CCDC15: variants seen among roughly 807,000 people sequenced by gnomAD.
The protein encoded by CCDC15 is coiled-coil domain-containing protein 15.
In CCDC15, 105 loss-of-function variants were observed where a neutral mutation model predicts 114.5. That is an observed-to-expected ratio of 0.92 (90% CI 0.78 to 1.08). The LOEUF (loss-of-function observed/expected upper bound fraction) is 1.08. Ranked by LOEUF, CCDC15 falls within the 50% of genes least tolerant of loss-of-function variation. The probability of loss-of-function intolerance (pLI) is 0.00; values close to 1 mark genes in which losing one functional copy is unlikely to be tolerated. For missense variants in CCDC15, 1,105 were observed against 1,093.6 expected (o/e 1.01, Z -0.15); for synonymous variants, 334 against 377.8 (o/e 0.88, Z 1.34).
At position 124,987,408 on chromosome 11, in the gene CCDC15, A is replaced by G. The variant is rs1948188000; in HGVS notation, c.1182A>G (p.Lys394=). The G allele has an allele frequency of 6.2e-7, 1 of 1,614,014 alleles. No individual in the cohort carries two copies. The highest frequency in any genetic ancestry group is 8.5e-7 in the Non-Finnish European group (1 of 1,179,900). Residue 394 remains lysine (K), a synonymous_variant, in exon 8 of 16, where the codon AAA becomes AAG. Coordinates refer to ENST00000344762, the MANE Select transcript of CCDC15 (RefSeq NM_025004.3). The stretch of plus-strand genomic sequence containing the variant: ...CAGAAACTCAGGGTATTATGCTGAA[A>G]GCCCAGAGTATTGAGCTAGAAGAAG... ...IKTETQGIML[K]AQSIELEEGS...
chr11:124,998,964 C>T (rs2135506114), intron 11 of CCDC15, among the ~76,000 whole-genome samples: 1 of 152,124 alleles, frequency 6.6e-6, no homozygotes. Context: ...GTCTCAAACT[C>T]CTGACCTCAT....
At chr11:125,033,897 C>T (rs560113110) in intron 13 of CCDC15, among the ~76,000 whole-genome samples, 1 of 152,286 alleles carries the variant, frequency 6.6e-6, no homozygotes, top group East Asian at 1.9e-4. Flanking sequence ...CATGACTCTT[C>T]TCAAGATTTC....
In CCDC15 at chr11:124,993,185, T is replaced by C. The variant is rs578177792; in HGVS notation, c.2156T>C (p.Leu719Pro). Residue 719 changes from leucine (L) to proline (P), a missense_variant, in exon 11 of 16, where the codon CTA becomes CCA. Leu to Pro is a moderately conservative substitution (Grantham distance 98). Coordinates refer to ENST00000344762, the MANE Select transcript of CCDC15 (RefSeq NM_025004.3). ...TTCCTTTAGAACAAGCATATCAAAC[T>C]ACCCTCATCTTTTGAGAAATGGGAG... ...SPREQNKHIK[L>P]PSSFEKWEIA... The C allele has an allele frequency of 1.3e-4, 205 of 1,605,816 alleles. 2 individuals are homozygous for C. In the South Asian group the frequency reaches 2.1e-3, roughly 17 times the overall value.
chr11:125,035,858 C>A (rs866817423), intron 13 of CCDC15, among the ~76,000 whole-genome samples: 1 of 152,032 alleles, frequency 6.6e-6, no homozygotes, highest in Non-Finnish European at 1.5e-5. Context: ...AAAGAGAAAA[C>A]TAATAAAAAC....
chr11:124,959,325 G>C (rs1947615005), intron 3 of CCDC15, 61 bp downstream of exon 3: 1 of 1,360,832 alleles, frequency 7.3e-7, no homozygotes, highest in South Asian at 1.5e-5. Flanking sequence ...TATGAGATAA[G>C]CTATTAGGCA....
intron 6 of CCDC15, among the ~76,000 whole-genome samples, chr11:124,979,491 CT>C (rs780438337): frequency 3.9e-5 from 6 of 151,984 alleles, no homozygotes; most frequent in African/African-American, 7.3e-5. Flanking sequence ...TTGTAGAGGC[CT>C]TTCACCTCCT....
At chr11:124,983,663 G>T (rs1229153532) in intron 6 of CCDC15, among the ~76,000 whole-genome samples, 1 of 152,170 alleles carries the variant, frequency 6.6e-6, no homozygotes, top group Non-Finnish European at 1.5e-5. Context: ...GAGGAGCTAA[G>T]GTGTTCCCAG....
chr11:124,960,135 C>T (rs1481384405), intron 4 of CCDC15, 132 bp downstream of exon 4: 46 of 435,392 alleles, frequency 1.1e-4, no homozygotes, highest in South Asian at 3.7e-4. Context: ...AATCATCCCC[C>T]TTTTTTTTTT....
In CCDC15 at chr11:124,987,502, G is replaced by A. The variant is rs371664822; in HGVS notation, c.1276G>A (p.Val426Ile). 1 of 1,614,006 alleles carries A rather than the reference G, an allele frequency of 6.2e-7. No individual in the cohort carries two copies. The highest frequency in any genetic ancestry group is 1.7e-5 in the Admixed American group (1 of 60,028). Reference protein sequence around the residue: ...NQALLTKNQDVLLKDHCVLPK... With the variant: ...NQALLTKNQDILLKDHCVLPK... ...GGCTCTTCTAACGAAAAACCAGGATGTTTTACTCAAAGACCACTGTGTTCT... is the reference window on the plus strand; with the variant it reads ...GGCTCTTCTAACGAAAAACCAGGATATTTTACTCAAAGACCACTGTGTTCT... Residue 426 changes from valine to isoleucine, a missense_variant, in exon 8 of 16, where the codon GTT becomes ATT. Val to Ile is a conservative substitution (Grantham distance 29). Coordinates refer to ENST00000344762, the MANE Select transcript of CCDC15 (RefSeq NM_025004.3).
chr11:124,991,276 T>A (rs576102346), intron 8 of CCDC15, among the ~76,000 whole-genome samples, 185 bp from the exon 9 acceptor site: 24 of 152,324 alleles, frequency 1.6e-4, no homozygotes, highest in African/African-American at 5.1e-4. Context: ...AGTTTGAAGC[T>A]TTCAAAGGTT....
At chr11:124,986,718 C>CGCGCGG in intron 6 of CCDC15, 24 bp from the exon 7 acceptor site, 7 of 1,529,778 alleles carry the variant, frequency 4.6e-6, no homozygotes, top group East Asian at 4.9e-5. Flanking sequence ...CGCGCGTGCG[C>CGCGCGG]GTTTTCATTG....
At chr11:124,996,112 T>A (rs1292548781) in intron 11 of CCDC15, among the ~76,000 whole-genome samples, 2 of 152,126 alleles carry the variant, frequency 1.3e-5, no homozygotes, top group Non-Finnish European at 2.9e-5. Context: ...ATTACAGGTG[T>A]GAGCCACTGT....
At position 125,002,493 on chromosome 11, in the gene CCDC15, T is replaced by C. The variant is rs192790725; in HGVS notation, c.2215-1374T>C. 2.6e-5 allele frequency among the ~76,000 whole-genome samples: 4 copies of C among 152,306 alleles called. No individual in the cohort carries two copies. In the East Asian group the frequency reaches 7.7e-4, roughly 29 times the overall value. Reference sequence around the variant, plus strand: ...TTACCTAAGCCAAAATCACAAAGATTGACTCCTATGCGTTCCTCTAAGTCT... The same window carrying C: ...TTACCTAAGCCAAAATCACAAAGATCGACTCCTATGCGTTCCTCTAAGTCT... On this transcript the variant is annotated intron_variant, in intron 11 of 15. Coordinates refer to ENST00000344762, the MANE Select transcript of CCDC15 (RefSeq NM_025004.3).
intron 2 of CCDC15, among the ~76,000 whole-genome samples, chr11:124,955,234 A>T (rs1422587599): frequency 6.6e-6 from 1 of 152,246 alleles, no homozygotes; most frequent in Non-Finnish European, 1.5e-5. Context: ...CATAAGCACT[A>T]TCTACATCTT....
chr11:124,958,718 G>A (rs995841200), intron 2 of CCDC15, among the ~76,000 whole-genome samples: 4 of 152,102 alleles, frequency 2.6e-5, no homozygotes, highest in Non-Finnish European at 4.4e-5. Context: ...GTATTAAATG[G>A]TTGTGAAAAC....
chr11:124,987,095 A>T, intron 7 of CCDC15, 32 bp from the exon 8 acceptor site: 1 of 1,468,950 alleles, frequency 6.8e-7, no homozygotes, highest in Admixed American at 2.8e-5. Flanking sequence ...ACTAACTCAC[A>T]TTCTGTATTT....
chr11:125,040,465 A>G lies in CCDC15; in HGVS notation c.2735-125A>G, dbSNP rs1322877661. Reference sequence around the variant, plus strand: ...CTTGTCATATAGTAAGTACTGAATAAATATTTATTCAATAGATAGTTACTT... The same window carrying G: ...CTTGTCATATAGTAAGTACTGAATAGATATTTATTCAATAGATAGTTACTT... On this transcript the variant is annotated intron_variant, in intron 15 of 15. Coordinates refer to ENST00000344762, the MANE Select transcript of CCDC15 (RefSeq NM_025004.3). 8 of 843,852 alleles carry G rather than the reference A, an allele frequency of 9.5e-6. No individual in the cohort carries two copies. The East Asian group carries it at 1.9e-4, about 20-fold the overall frequency. The allele number at this position is 843,852 out of a possible 1,614,324, so 52.3% of individuals were successfully genotyped here.
intron 11 of CCDC15, among the ~76,000 whole-genome samples, chr11:124,997,820 T>C (rs532201083): frequency 6.6e-6 from 1 of 152,242 alleles, no homozygotes; most frequent in African/African-American, 2.4e-5. Context: ...CATGCACCTG[T>C]AATCGCAGCT....
intron 9 of CCDC15, among the ~76,000 whole-genome samples, 180 bp downstream of exon 9, chr11:124,991,763 A>G (rs1260951297): frequency 6.6e-6 from 1 of 152,178 alleles, no homozygotes; most frequent in African/African-American, 2.4e-5. Context: ...GACTCATTGC[A>G]ACCTCTGCCT....
Sources: allele counts gnomAD v4.1 joint callset (sites outside exome capture counted in the v4.1 genomes callset), GRCh38; gene constraint gnomAD v4.1.1; transcripts MANE v1.5; gene names NCBI Gene and HGNC (gene_info 2026-07-23, HGNC 2026-07-21).